Variants in SORCS3 observed in about 807,000 individuals in gnomAD.
The protein encoded by SORCS3 is VPS10 domain-containing receptor SorCS3.
Under a neutral mutation model 146.3 loss-of-function variants are expected in SORCS3, and 57 were observed. The ratio of observed to expected loss-of-function variants is 0.39; its 90% confidence interval spans 0.31 to 0.49. SORCS3 has a LOEUF of 0.49. SORCS3 is among the 20% of genes least tolerant of loss of function. SORCS3 has a pLI of 0.92. For missense variants in SORCS3, 1,341 were observed against 1,575.5 expected (o/e 0.85, Z 2.52); for synonymous variants, 653 against 618.5 (o/e 1.06, Z -0.83).
chr10:104,863,054 T>C (rs910410463), intron 2 of SORCS3, among the ~76,000 whole-genome samples: 1 of 152,210 alleles, frequency 6.6e-6, no homozygotes, highest in African/African-American at 2.4e-5. Context: ...AGGTACGTTA[T>C]ACTCTTCCTT....
intron 2 of SORCS3, among the ~76,000 whole-genome samples, chr10:104,904,508 G>A: frequency 6.6e-6 from 1 of 152,034 alleles, no homozygotes; most frequent in East Asian, 1.9e-4. Context: ...TTTAATACAA[G>A]ATTTTGGCTA....
In SORCS3 at chr10:105,138,129, T is replaced by A. The variant is rs946067943; in HGVS notation, c.1213-1268T>A. Among the ~76,000 whole-genome samples the A allele has an allele frequency of 1.4e-4, 21 of 152,306 alleles. No homozygotes were observed. The East Asian group carries it at 4.1e-3, about 29-fold the overall frequency. The stretch of plus-strand genomic sequence containing the variant: ...GAATGATGGTAATTAGATGTGGATG[T>A]TTCTCCCTGAAGATCAGGGTGAAAA... On this transcript the variant is annotated intron_variant, in intron 7 of 26. Coordinates refer to ENST00000369701, the MANE Select transcript of SORCS3 (RefSeq NM_014978.3).
At chr10:105,091,945 G>C (rs2055713530) in intron 6 of SORCS3, among the ~76,000 whole-genome samples, 1 of 152,168 alleles carries the variant, frequency 6.6e-6, no homozygotes, top group Non-Finnish European at 1.5e-5. Context: ...TTTGTGATCT[G>C]TCATGGTCAT....
intron 3 of SORCS3, among the ~76,000 whole-genome samples, chr10:104,924,108 T>C (rs2019114793): frequency 1.3e-5 from 2 of 152,350 alleles, no homozygotes; most frequent in South Asian, 4.1e-4. Context: ...CTTGGTCTAA[T>C]ATGCTCATTT....
intron 23 of SORCS3, among the ~76,000 whole-genome samples, 179 bp from the exon 24 acceptor site, chr10:105,255,523 C>A (rs1448008630): frequency 2.0e-5 from 3 of 152,160 alleles, no homozygotes; most frequent in Admixed American, 2.0e-4. Flanking sequence ...ACTGTACTTC[C>A]TTGGTTTCAC....
chr10:104,911,974 CT>C (rs1362211766), intron 2 of SORCS3, among the ~76,000 whole-genome samples: 1 of 152,180 alleles, frequency 6.6e-6, no homozygotes, highest in Non-Finnish European at 1.5e-5. Flanking sequence ...TTACCCTCCC[CT>C]GTTAGCAATT....
At chr10:105,024,266 G>A (rs1400811430) in intron 4 of SORCS3, among the ~76,000 whole-genome samples, 2 of 152,146 alleles carry the variant, frequency 1.3e-5, no homozygotes, top group Non-Finnish European at 2.9e-5. Context: ...TTTTGTGAGT[G>A]TCCTTACTGG....
intron 20 of SORCS3, among the ~76,000 whole-genome samples, chr10:105,224,863 T>C (rs1350327458): frequency 6.6e-6 from 1 of 152,154 alleles, no homozygotes; most frequent in African/African-American, 2.4e-5. Context: ...TTTCATATGC[T>C]TATTTCCCAA....
At position 105,076,076 on chromosome 10, in the gene SORCS3, A is replaced by G. The variant is rs1385040493; in HGVS notation, c.1029-13699A>G. On this transcript the variant is annotated intron_variant, in intron 5 of 26. Coordinates refer to ENST00000369701, the MANE Select transcript of SORCS3 (RefSeq NM_014978.3). ...ATAAAGTGCTTGGAACCTGGTGTAC[A>G]TGTTCATTAATGTGTTCTTGCATCA... is the stretch of plus-strand genomic sequence containing the variant. Among the ~76,000 whole-genome samples the G allele has an allele frequency of 2.6e-5, 4 of 152,196 alleles. No homozygotes were observed. In the East Asian group the frequency reaches 7.7e-4, roughly 29 times the overall value.
intron 1 of SORCS3, among the ~76,000 whole-genome samples, chr10:104,707,509 T>A (rs761371579): frequency 1.7e-4 from 26 of 152,114 alleles, no homozygotes; most frequent in Non-Finnish European, 2.9e-4. Flanking sequence ...TTCCAGGTAC[T>A]TTGGGGCTAG....
chr10:104,651,814 C>T (rs2133239651), intron 1 of SORCS3, among the ~76,000 whole-genome samples: 1 of 152,280 alleles, frequency 6.6e-6, no homozygotes, highest in East Asian at 1.9e-4. Context: ...CAACCACCAG[C>T]ACCAGGGACC....
chr10:104,966,701 G>A (rs1367568491), intron 3 of SORCS3, among the ~76,000 whole-genome samples: 1 of 152,118 alleles, frequency 6.6e-6, no homozygotes, highest in East Asian at 1.9e-4. Flanking sequence ...CAATGATATT[G>A]TAAGACTCAC....
At position 105,072,299 on chromosome 10, in the gene SORCS3, C is replaced by T. The variant is rs117077170; in HGVS notation, c.1029-17476C>T. 3.4e-3 allele frequency among the ~76,000 whole-genome samples: 525 copies of T among 152,228 alleles called. 2 individuals carry two copies. The highest frequency in any genetic ancestry group is 5.3e-3 in the Non-Finnish European group (358 of 68,016). ...CACGTTAGCCCTTTTAGCAATTGAT[C>T]TTGTAAACTTTCTGAATCAGAGAAA... On this transcript the variant is annotated intron_variant, in intron 5 of 26. Transcript: ENST00000369701.
Position 105,030,960 on chromosome 10 carries a change from A to G in SORCS3, c.955-12095A>G, listed in dbSNP as rs187293179. ...ATGAATCTACCAGAGACTGTTACACAGAGTCCTGGGCCTTTTCCACAACAT... is the reference window on the plus strand; with the variant it reads ...ATGAATCTACCAGAGACTGTTACACGGAGTCCTGGGCCTTTTCCACAACAT... On this transcript the variant is annotated intron_variant, in intron 4 of 26. Coordinates refer to ENST00000369701, the MANE Select transcript of SORCS3 (RefSeq NM_014978.3). Among the ~76,000 whole-genome samples, 352 of 152,138 alleles carry G rather than the reference A, an allele frequency of 2.3e-3. 1 individual carries two copies. The highest frequency in any genetic ancestry group is 7.4e-3 in the African/African-American group (308 of 41,532).
chr10:105,091,267 CCCTCCTTCCTTCCTTG>C (rs2055702010), intron 6 of SORCS3, among the ~76,000 whole-genome samples: 1 of 47,210 alleles, frequency 2.1e-5, no homozygotes, highest in African/African-American at 7.4e-5. Flanking sequence ...TTCCTTCCTT[CCCTCCTTCCTTCCTTG>C]CTTCCTTCCT....
chr10:105,004,209 A>T (rs1346518085), intron 4 of SORCS3, among the ~76,000 whole-genome samples: 1 of 152,118 alleles, frequency 6.6e-6, no homozygotes, highest in Non-Finnish European at 1.5e-5. Flanking sequence ...CCAGAGCAGG[A>T]TGGACAGAGA....
intron 6 of SORCS3, among the ~76,000 whole-genome samples, chr10:105,094,992 C>A (rs1033395125): frequency 2.6e-5 from 4 of 152,184 alleles, no homozygotes; most frequent in African/African-American, 9.7e-5. Flanking sequence ...TATGGCCATC[C>A]TTGCCTGTTT....
intron 1 of SORCS3, among the ~76,000 whole-genome samples, chr10:104,673,104 AT>A (rs1292435088): frequency 6.6e-6 from 1 of 152,040 alleles, no homozygotes; most frequent in African/African-American, 2.4e-5. Context: ...TTTGCATGGA[AT>A]TTTTTTCTCA....
intron 11 of SORCS3, among the ~76,000 whole-genome samples, chr10:105,160,193 A>T (rs896082528): frequency 1.3e-5 from 2 of 152,186 alleles, no homozygotes; most frequent in African/African-American, 4.8e-5. Context: ...AGTTAATATT[A>T]TCTGAATATT....
Sources: allele counts gnomAD v4.1 joint callset (sites outside exome capture counted in the v4.1 genomes callset), GRCh38; gene constraint gnomAD v4.1.1; transcripts MANE v1.5; gene names NCBI Gene and HGNC (gene_info 2026-07-23, HGNC 2026-07-21).